ARB2A: variants seen among roughly 807,000 people sequenced by gnomAD.
ARB2A encodes cotranscriptional regulator ARB2A.
the ARB2A span, among the ~76,000 whole-genome samples, chr5:93,917,479 T>C: frequency 6.6e-6 from 1 of 152,188 alleles, no homozygotes; most frequent in Admixed American, 6.6e-5. Flanking sequence ...CCTCATATAA[T>C]GTTTTGCTTC....
At chr5:93,829,273 G>C in the ARB2A span, among the ~76,000 whole-genome samples, 1 of 152,092 alleles carries the variant, frequency 6.6e-6, no homozygotes, top group South Asian at 2.1e-4. Flanking sequence ...TCCAGTTGTA[G>C]GGAGCAACTC....
At chr5:94,042,997 C>T in the ARB2A span, among the ~76,000 whole-genome samples, 60 of 152,050 alleles carry the variant, frequency 3.9e-4, no homozygotes, top group Non-Finnish European at 6.0e-4. Flanking sequence ...GTGTTTTTGA[C>T]TGTGGCTGCC....
the ARB2A span, among the ~76,000 whole-genome samples, chr5:93,920,036 T>A: frequency 6.6e-6 from 1 of 152,178 alleles, no homozygotes; most frequent in Non-Finnish European, 1.5e-5. Flanking sequence ...TAGTATACGA[T>A]CTGTAATACA....
chr5:93,854,959 A>G, the ARB2A span, among the ~76,000 whole-genome samples: 1 of 152,160 alleles, frequency 6.6e-6, no homozygotes, highest in African/African-American at 2.4e-5. Context: ...AGAGTTCTGT[A>G]GATGTCTATT....
the ARB2A span, among the ~76,000 whole-genome samples, chr5:93,918,430 C>CTTTTTTT: frequency 1.9e-5 from 2 of 107,352 alleles, no homozygotes. Flanking sequence ...TTCCAAATTT[C>CTTTTTTT]TTTTTTTTTT....
At chr5:93,920,911 G>C in the ARB2A span, among the ~76,000 whole-genome samples, 1 of 151,948 alleles carries the variant, frequency 6.6e-6, no homozygotes, top group African/African-American at 2.4e-5. Context: ...GCATATCCCA[G>C]TAAAAAGTGA....
the ARB2A span, chr5:93,881,656 A>T: frequency 6.3e-7 from 1 of 1,595,964 alleles, no homozygotes; most frequent in Non-Finnish European, 8.5e-7. Flanking sequence ...TATAGTTTTC[A>T]TTGGGATTTA....
chr5:94,028,331 T>C, the ARB2A span, among the ~76,000 whole-genome samples: 3 of 152,156 alleles, frequency 2.0e-5, no homozygotes, highest in East Asian at 5.8e-4. Context: ...TTTCATTCCC[T>C]CCATGATCCC....
the ARB2A span, among the ~76,000 whole-genome samples, chr5:93,845,809 A>G: frequency 6.6e-6 from 1 of 152,182 alleles, no homozygotes. Flanking sequence ...TCAATCTAGA[A>G]CATCCTATAG....
chr5:93,744,413 C>T, the ARB2A span, among the ~76,000 whole-genome samples: 213 of 109,708 alleles, frequency 1.9e-3, no homozygotes, highest in African/African-American at 7.6e-3. Flanking sequence ...GCAGCCTGGG[C>T]GACAGAGTGA....
the ARB2A span, among the ~76,000 whole-genome samples, chr5:93,996,290 AAAAT>A: frequency 6.6e-6 from 1 of 152,156 alleles, no homozygotes; most frequent in Admixed American, 6.6e-5. Flanking sequence ...GTCCTTACAA[AAAAT>A]AAATAACTGT....
the ARB2A span, among the ~76,000 whole-genome samples, chr5:93,691,837 C>A: frequency 2.0e-5 from 3 of 152,152 alleles, no homozygotes; most frequent in Non-Finnish European, 4.4e-5. Context: ...CTCTGCAGAA[C>A]CCTACAAGCC....
At chr5:93,727,255 G>A in the ARB2A span, among the ~76,000 whole-genome samples, 111 of 152,152 alleles carry the variant, frequency 7.3e-4, no homozygotes, top group Non-Finnish European at 1.4e-3. Flanking sequence ...TCTTGGGTAA[G>A]AGAGCAGAAG....
the ARB2A span, among the ~76,000 whole-genome samples, chr5:93,783,885 C>T: frequency 6.6e-6 from 1 of 152,152 alleles, no homozygotes; most frequent in South Asian, 2.1e-4. Flanking sequence ...TTTCTCTTAG[C>T]TCAAGGGTCT....
At chr5:93,853,098 G>A in the ARB2A span, among the ~76,000 whole-genome samples, 1 of 152,104 alleles carries the variant, frequency 6.6e-6, no homozygotes, top group Non-Finnish European at 1.5e-5. Context: ...AGCATGGAAT[G>A]TTCTTCCATT....
the ARB2A span, among the ~76,000 whole-genome samples, chr5:93,845,704 A>G: frequency 6.6e-6 from 1 of 152,220 alleles, no homozygotes; most frequent in Non-Finnish European, 1.5e-5. Flanking sequence ...AATGAATACT[A>G]GAGCAGACTG....
chr5:94,048,044 C>T, the ARB2A span, among the ~76,000 whole-genome samples: 2 of 129,566 alleles, frequency 1.5e-5, no homozygotes, highest in Admixed American at 8.7e-5. Context: ...AAGTGGAAAT[C>T]GGTAAGCTTT....
the ARB2A span, among the ~76,000 whole-genome samples, chr5:93,912,678 C>T: frequency 3.3e-5 from 5 of 151,800 alleles, no homozygotes; most frequent in African/African-American, 9.6e-5. Context: ...ATATTAAATG[C>T]ATTTTATTGC....
chr5:94,079,633 T>G, the ARB2A span, among the ~76,000 whole-genome samples: 18 of 152,236 alleles, frequency 1.2e-4, no homozygotes, highest in Non-Finnish European at 2.5e-4. Context: ...TATGTACTAA[T>G]TTCTGTTATT....
Sources: gnomAD v4.1 joint callset for allele counts (sites outside exome capture counted in the v4.1 genomes callset) on GRCh38, gnomAD v4.1.1 for gene constraint, MANE v1.5 for transcripts, NCBI Gene and HGNC (gene_info 2026-07-23, HGNC 2026-07-21) for gene names.